PHC3: variants seen among roughly 807,000 people sequenced by gnomAD.
PHC3 encodes polyhomeotic homolog 3.
PHC3 carries 13 observed loss-of-function variants against 107.4 expected under a neutral mutation model. The ratio of observed to expected loss-of-function variants is 0.12; its 90% CI spans 0.08 to 0.19. The LOEUF is 0.19. Ranked by LOEUF, PHC3 falls within the 10% of genes least tolerant of loss-of-function variation. The probability of loss-of-function intolerance (pLI) is 1.00; values close to 1 mark genes in which losing one functional copy is unlikely to be tolerated. For missense variants in PHC3, 992 were observed against 1,210.9 expected, an observed-to-expected ratio of 0.82 and a Z score of 2.68; for synonymous variants, 456 against 427.4, an observed-to-expected ratio of 1.07 and a Z score of -0.83.
intron 4 of PHC3, among the ~76,000 whole-genome samples, chr3:170,158,828 G>C (rs912637464): frequency 1.3e-5 from 2 of 150,746 alleles, no homozygotes; most frequent in African/African-American, 4.9e-5. Flanking sequence ...TTGAAGGGCT[G>C]AGCAGGGAGG....
intron 2 of PHC3, among the ~76,000 whole-genome samples, chr3:170,175,450 C>T (rs1730273385): frequency 2.6e-5 from 4 of 151,640 alleles, no homozygotes; most frequent in Admixed American, 6.6e-5. Flanking sequence ...CTAGCCTGGG[C>T]GACATAGTGA....
At chr3:170,177,183 G>A (rs1477454460) in intron 2 of PHC3, among the ~76,000 whole-genome samples, 1 of 152,046 alleles carries the variant, frequency 6.6e-6, no homozygotes, top group East Asian at 1.9e-4. Context: ...CTACATACCT[G>A]AACAGATCTC....
At chr3:170,128,566 G>C (rs1323604618) in intron 8 of PHC3, 118 bp downstream of exon 8, 12 of 1,323,438 alleles carry the variant, frequency 9.1e-6, no homozygotes, top group African/African-American at 1.5e-5. Context: ...CTGACACATG[G>C]AAATTTCAAG....
At chr3:170,151,136 G>A (rs555364252) in intron 4 of PHC3, among the ~76,000 whole-genome samples, 46 of 151,936 alleles carry the variant, frequency 3.0e-4, no homozygotes, top group Non-Finnish European at 5.3e-4. Context: ...GCTTGAACCC[G>A]GGAGGCGGAG....
At chr3:170,176,538 CAG>C (rs1730515743) in intron 2 of PHC3, among the ~76,000 whole-genome samples, 2 of 152,116 alleles carry the variant, frequency 1.3e-5, no homozygotes, top group African/African-American at 4.8e-5. Flanking sequence ...TAAGAATTCA[CAG>C]AGTGGTTAAG....
At position 170,094,956 on chromosome 3, in the gene PHC3, T is replaced by C. The variant is rs577436438; in HGVS notation, c.*2274A>G. ...TTGATACCTTAAAGGCCATAGGTAATACAGTTATAGGATGTAATCATTATT... is the reference window on the plus strand; with the variant it reads ...TTGATACCTTAAAGGCCATAGGTAACACAGTTATAGGATGTAATCATTATT... On this transcript the variant is annotated 3_prime_UTR_variant, in exon 15 of 15. Coordinates refer to ENST00000495893, the MANE Select transcript of PHC3 (RefSeq NM_024947.4). 7.2e-5 allele frequency: 11 copies of C among 152,294 alleles called. No homozygotes were observed. The highest frequency in any genetic ancestry group is 1.2e-4 in the African/African-American group (5 of 41,564). The allele number at this position is 152,294 out of a possible 1,614,324, so 9.4% of individuals were successfully genotyped here.
chr3:170,105,622 C>A (rs1298297366), intron 12 of PHC3, among the ~76,000 whole-genome samples: 1 of 152,066 alleles, frequency 6.6e-6, no homozygotes, highest in African/African-American at 2.4e-5. Flanking sequence ...TTGGGATATC[C>A]ACATCTTAAA....
intron 12 of PHC3, 35 bp from the exon 13 acceptor site, chr3:170,102,969 T>C: frequency 1.3e-6 from 2 of 1,558,198 alleles, no homozygotes; most frequent in East Asian, 2.3e-5. Flanking sequence ...TATTTAATGA[T>C]ATATGGGACA....
At chr3:170,111,414 A>G (rs1489314637) in intron 11 of PHC3, among the ~76,000 whole-genome samples, 5 of 151,568 alleles carry the variant, frequency 3.3e-5, no homozygotes, top group Non-Finnish European at 5.9e-5. Flanking sequence ...GGAAGGAAGG[A>G]AGGAAAGAAG....
intron 6 of PHC3, among the ~76,000 whole-genome samples, chr3:170,140,254 ATTTC>A (rs1350610769): frequency 2.7e-5 from 4 of 149,288 alleles, no homozygotes; most frequent in Non-Finnish European, 6.0e-5. Context: ...ACTGGGTCAG[ATTTC>A]TTTTTCTTTT....
intron 2 of PHC3, among the ~76,000 whole-genome samples, chr3:170,173,023 T>C (rs1370190300): frequency 6.6e-6 from 1 of 151,782 alleles, no homozygotes; most frequent in Non-Finnish European, 1.5e-5. Flanking sequence ...AAACCCCGTC[T>C]CTACTAAAAA....
At chr3:170,137,762 G>A (rs1723338626) in intron 6 of PHC3, among the ~76,000 whole-genome samples, 1 of 152,202 alleles carries the variant, frequency 6.6e-6, no homozygotes, top group Non-Finnish European at 1.5e-5. Flanking sequence ...AGCCAGGCGT[G>A]GTGGCACGCA....
intron 11 of PHC3, among the ~76,000 whole-genome samples, chr3:170,111,990 C>T (rs1717876672): frequency 6.6e-6 from 1 of 152,134 alleles, no homozygotes; most frequent in African/African-American, 2.4e-5. Flanking sequence ...AGGGCCTTGA[C>T]TATTCTAAAT....
chr3:170,156,043 T>C (rs1726845220), intron 4 of PHC3, among the ~76,000 whole-genome samples: 2 of 152,336 alleles, frequency 1.3e-5, no homozygotes, highest in Admixed American at 6.5e-5. Flanking sequence ...ATAAATAGTA[T>C]TGCCTCATTA....
chr3:170,108,971 C>T (rs963910285), intron 11 of PHC3, among the ~76,000 whole-genome samples: 2 of 151,838 alleles, frequency 1.3e-5, no homozygotes, highest in Non-Finnish European at 2.9e-5. Context: ...TACAGTTAAC[C>T]GAACAAAAAT....
At chr3:170,108,615 A>C (rs1395475800) in intron 11 of PHC3, among the ~76,000 whole-genome samples, 2 of 152,186 alleles carry the variant, frequency 1.3e-5, no homozygotes, top group African/African-American at 4.8e-5. Context: ...CGGCCCAGTC[A>C]GGAGATCCAC....
intron 4 of PHC3, among the ~76,000 whole-genome samples, chr3:170,162,814 A>G (rs981226352): frequency 6.6e-6 from 1 of 152,132 alleles, no homozygotes; most frequent in African/African-American, 2.4e-5. Flanking sequence ...CTCTGATGTC[A>G]TCTTTAAACC....
Position 170,103,548 on chromosome 3 carries a change from C to A in PHC3, c.2469-614G>T, listed in dbSNP as rs142265725. On this transcript the variant is annotated intron_variant, in intron 12 of 14. Transcript: ENST00000495893. The stretch of plus-strand genomic sequence containing the variant: ...AAAGATTTTCTTTTATCACAATAGA[C>A]TGCCTAGTATTTTTGAACATAGACC... Among the ~76,000 whole-genome samples, 25 of 152,280 alleles carry A rather than the reference C, an allele frequency of 1.6e-4. No homozygotes were observed. The East Asian group carries it at 4.6e-3, about 28-fold the overall frequency.
At chr3:170,101,880 A>C (rs1715542880) in intron 14 of PHC3, among the ~76,000 whole-genome samples, 1 of 152,052 alleles carries the variant, frequency 6.6e-6, no homozygotes, top group South Asian at 2.1e-4. Context: ...ATTAGAATGA[A>C]TATAATTGAA....
Sources: allele counts gnomAD v4.1 joint callset (sites outside exome capture counted in the v4.1 genomes callset), GRCh38; gene constraint gnomAD v4.1.1; transcripts MANE v1.5; gene names NCBI Gene and HGNC (gene_info 2026-07-23, HGNC 2026-07-21).